The following NAALADL2 variants were observed in gnomAD, a reference collection of about 807,000 sequenced individuals.
NAALADL2 encodes N-acetylated alpha-linked acidic dipeptidase like 2, also known as inactive N-acetylated-alpha-linked acidic dipeptidase-like protein 2.
A neutral mutation model predicts 87.2 loss-of-function variants in NAALADL2; 76 were observed. The ratio of observed to expected loss-of-function variants is 0.87; its 90% confidence interval spans 0.72 to 1.05. The LOEUF (loss-of-function observed/expected upper bound fraction) is 1.05. Ranked by LOEUF, NAALADL2 falls within the 50% of genes least tolerant of loss-of-function variation. The pLI is 0.00. For synonymous variants in NAALADL2, 354 were observed against 331.0 expected, an observed-to-expected ratio of 1.07 and a Z score of -0.75; for missense variants, 1,089 against 945.8, an observed-to-expected ratio of 1.15 and a Z score of -1.99.
At chr3:175,134,543 A>G (rs1560074263) in intron 2 of NAALADL2, among the ~76,000 whole-genome samples, 1 of 152,138 alleles carries the variant, frequency 6.6e-6, no homozygotes, top group Non-Finnish European at 1.5e-5. Flanking sequence ...TTCTCAAATA[A>G]CCCTTACACC....
chr3:174,721,472 T>A (rs1275017486), intron 2 of NAALADL2, among the ~76,000 whole-genome samples: 1 of 152,154 alleles, frequency 6.6e-6, no homozygotes, highest in Non-Finnish European at 1.5e-5. Context: ...AAGAGCACAG[T>A]GGACAAAACC....
rs560044835 is a variant in NAALADL2 at position 174,690,226 on chromosome 3, A to AT, written c.-114-47409dup. 1.6e-4 allele frequency among the ~76,000 whole-genome samples: 25 copies of AT among 152,204 alleles called. No individual in the cohort carries two copies. In the East Asian group the frequency reaches 3.7e-3, roughly 22 times the overall value. On this transcript the variant is annotated intron_variant, in intron 2 of 3. Coordinates refer to the NAALADL2 transcript ENST00000434257. Reference sequence around the variant, plus strand: ...ATGGTGAACAAAACTATAAGCAACAATTTTTTGTGATTAAAGTAAGACGAT... The same window carrying AT: ...ATGGTGAACAAAACTATAAGCAACAATTTTTTTGTGATTAAAGTAAGACGAT...
At chr3:175,397,685 G>A (rs1769988112) in intron 5 of NAALADL2, among the ~76,000 whole-genome samples, 1 of 152,190 alleles carries the variant, frequency 6.6e-6, no homozygotes, top group African/African-American at 2.4e-5. Context: ...TGAGAATTCT[G>A]TGGGTACACC....
chr3:175,611,655 A>G (rs1724666937), intron 10 of NAALADL2, among the ~76,000 whole-genome samples: 1 of 152,194 alleles, frequency 6.6e-6, no homozygotes, highest in Non-Finnish European at 1.5e-5. Context: ...GATTATTCTC[A>G]AATGAAAATT....
intron 1 of NAALADL2, among the ~76,000 whole-genome samples, chr3:174,866,998 A>C (rs977027678): frequency 6.6e-6 from 1 of 151,828 alleles, no homozygotes; most frequent in Non-Finnish European, 1.5e-5. Flanking sequence ...ATACTTACTA[A>C]TTACTAAATC....
At position 175,460,867 on chromosome 3, in the gene NAALADL2, T is replaced by TAAAG. The variant is rs200938990; in HGVS notation, c.1235-2532_1235-2529dup. 5.2e-3 allele frequency among the ~76,000 whole-genome samples: 798 copies of TAAAG among 152,276 alleles called. 7 individuals carry two copies. Among genetic ancestry groups the TAAAG allele is most frequent in the African/African-American group, 0.018 (743 of 41,554 alleles). ...GAGTGCGCAGCAGCAATATTTATTGTAAAGAGCAAAAGAATAAAGCTTCCA... is the reference window on the plus strand; with the variant it reads ...GAGTGCGCAGCAGCAATATTTATTGTAAAGAAAGAGCAAAAGAATAAAGCTTCCA... On this transcript the variant is annotated intron_variant, in intron 6 of 13. Transcript: ENST00000454872.
At chr3:175,193,868 A>C (rs2109077752) in intron 2 of NAALADL2, among the ~76,000 whole-genome samples, 1 of 152,022 alleles carries the variant, frequency 6.6e-6, no homozygotes, top group African/African-American at 2.4e-5. Flanking sequence ...TAGAAAAAAT[A>C]TGTGAAAACA....
chr3:175,410,352 T>A (rs1936205535), intron 5 of NAALADL2, among the ~76,000 whole-genome samples: 2 of 152,162 alleles, frequency 1.3e-5, no homozygotes, highest in Non-Finnish European at 2.9e-5. Context: ...ATCTCTTAAG[T>A]TTCATTTAAA....
rs184279581 is a variant in NAALADL2, at chr3:175,723,250, G to A, written c.1897-14056G>A. On this transcript the variant is annotated intron_variant, in intron 11 of 13. Transcript: ENST00000454872. ...ATAATAAGCTCTTCAGATAGCCCTC[G>A]ACTTCTGTTATTAGATTGAGTCCTT... Among the ~76,000 whole-genome samples, 8 of 152,162 alleles carry A rather than the reference G, an allele frequency of 5.3e-5. No homozygotes were observed. The East Asian group carries it at 7.7e-4, about 15-fold the overall frequency.
chr3:175,450,438 G>A (rs957513870), intron 6 of NAALADL2, among the ~76,000 whole-genome samples: 5 of 152,112 alleles, frequency 3.3e-5, no homozygotes, highest in Admixed American at 6.5e-5. Context: ...TTAAGAATAT[G>A]TGTGAGAATC....
chr3:175,050,939 AT>A lies in NAALADL2; in HGVS notation c.44-45850del, dbSNP rs766009926. Among the ~76,000 whole-genome samples the A allele has an allele frequency of 2.0e-4, 30 of 152,356 alleles. No homozygotes were observed. The South Asian group carries it at 2.5e-3, about 13-fold the overall frequency. Reference sequence around the variant, plus strand: ...TTGTTTTACTTGAAGAATAAAAAAAATAATAGAGGCATAAGAGCTGCACACT... The same window carrying A: ...TTGTTTTACTTGAAGAATAAAAAAAAAATAGAGGCATAAGAGCTGCACACT... On this transcript the variant is annotated intron_variant, in intron 1 of 13. Transcript: ENST00000454872.
intron 3 of NAALADL2, among the ~76,000 whole-genome samples, chr3:175,252,679 T>C (rs1749263550): frequency 6.6e-6 from 1 of 152,164 alleles, no homozygotes; most frequent in Admixed American, 6.5e-5. Flanking sequence ...ACAAGCTAGA[T>C]CCCTTGTGTC....
intron 2 of NAALADL2, among the ~76,000 whole-genome samples, chr3:175,118,346 G>C (rs1295060059): frequency 6.6e-6 from 1 of 151,666 alleles, no homozygotes; most frequent in Non-Finnish European, 1.5e-5. Context: ...ACTAAACTGA[G>C]TTGCCTGATT....
In NAALADL2 at chr3:174,945,576, A is replaced by T. The variant is rs369587837; in HGVS notation, c.43+86126A>T. ...AAGATATTCTTTAATAGAATTCTCAAACGTTTTGAGCACTTGTATCCCAGA... is the reference window on the plus strand; with the variant it reads ...AAGATATTCTTTAATAGAATTCTCATACGTTTTGAGCACTTGTATCCCAGA... On this transcript the variant is annotated intron_variant, in intron 1 of 13. Transcript: ENST00000454872. 2.6e-5 allele frequency among the ~76,000 whole-genome samples: 4 copies of T among 152,182 alleles called. No homozygotes were observed. The East Asian group carries it at 7.7e-4, about 29-fold the overall frequency.
At chr3:174,563,874 G>A (rs1205819000) in intron 2 of NAALADL2, among the ~76,000 whole-genome samples, 3 of 152,052 alleles carry the variant, frequency 2.0e-5, no homozygotes, top group Non-Finnish European at 2.9e-5. Flanking sequence ...AAAACCCGTC[G>A]TAAGAGTCAC....
chr3:175,423,266 A>AT (rs576694779), intron 5 of NAALADL2, among the ~76,000 whole-genome samples: 307 of 112,210 alleles, frequency 2.7e-3, no homozygotes, highest in African/African-American at 8.6e-3. Context: ...TTCAGAGTCC[A>AT]TTTTTTTTTG....
chr3:175,636,715 G>GA (rs892069170), intron 11 of NAALADL2, among the ~76,000 whole-genome samples: 3 of 136,344 alleles, frequency 2.2e-5, no homozygotes, highest in East Asian at 2.2e-4. Flanking sequence ...AAAAAAAAAA[G>GA]AAAAAAAAAG....
At chr3:175,137,060 A>G (rs1729219054) in intron 2 of NAALADL2, among the ~76,000 whole-genome samples, 3 of 152,206 alleles carry the variant, frequency 2.0e-5, no homozygotes, top group African/African-American at 7.2e-5. Context: ...ACCCCTTACA[A>G]GATGACAAGT....
At position 175,599,588 on chromosome 3, in the gene NAALADL2, T is replaced by C. The variant is rs1722683515; in HGVS notation, c.1800+23401T>C. Among the ~76,000 whole-genome samples, 3 of 152,132 alleles carry C rather than the reference T, an allele frequency of 2.0e-5. No homozygotes were observed. In the South Asian group the frequency reaches 6.2e-4, roughly 31 times the overall value. On this transcript the variant is annotated intron_variant, in intron 10 of 13. Transcript: ENST00000454872. ...AAGTTCTTTCTCCAACTCTAAGTTATATTCTATTTGTGTTAACATTCAGGC... is the reference window on the plus strand; with the variant it reads ...AAGTTCTTTCTCCAACTCTAAGTTACATTCTATTTGTGTTAACATTCAGGC...
Sources: gnomAD v4.1 joint callset for allele counts (sites outside exome capture counted in the v4.1 genomes callset) on GRCh38, gnomAD v4.1.1 for gene constraint, MANE v1.5 for transcripts, NCBI Gene and HGNC (gene_info 2026-07-23, HGNC 2026-07-21) for gene names.